The following AK5 variants were observed in gnomAD, a reference collection of about 807,000 sequenced individuals.
The protein encoded by AK5 is adenylate kinase isoenzyme 5.
A neutral mutation model predicts 69.5 loss-of-function variants in AK5; 27 were observed. The observed-to-expected ratio is 0.39, with a 90% CI of 0.29 to 0.54. The LOEUF (loss-of-function observed/expected upper bound fraction) is 0.54. Among genes scored for constraint, AK5 ranks in the 20% least tolerant of loss-of-function variants. AK5 has a pLI of 0.71. For synonymous variants in AK5, 260 were observed against 244.4 expected (o/e 1.06, Z -0.60); for missense variants, 531 against 700.4 (o/e 0.76, Z 2.73).
chr1:77,408,077 G>A (rs958490871), intron 6 of AK5, among the ~76,000 whole-genome samples: 1 of 152,152 alleles, frequency 6.6e-6, no homozygotes, highest in African/African-American at 2.4e-5. Context: ...ATTGTGAATA[G>A]TGCTGTAATG....
At chr1:77,411,641 G>C (rs1312519294) in intron 7 of AK5, among the ~76,000 whole-genome samples, 1 of 152,156 alleles carries the variant, frequency 6.6e-6, no homozygotes, top group Non-Finnish European at 1.5e-5. Context: ...CTCTGACCCT[G>C]AGCCAACTCA....
At chr1:77,512,227 GTA>G (rs1257620033) in intron 10 of AK5, among the ~76,000 whole-genome samples, 5 of 152,082 alleles carry the variant, frequency 3.3e-5, no homozygotes, top group East Asian at 1.9e-4. Context: ...ACATATATAC[GTA>G]TGTGTGTGTG....
intron 6 of AK5, among the ~76,000 whole-genome samples, chr1:77,394,563 G>C (rs1648710653): frequency 6.6e-6 from 1 of 151,772 alleles, no homozygotes; most frequent in Non-Finnish European, 1.5e-5. Context: ...TTGGATTGTG[G>C]ACTCTTTAAA....
At chr1:77,309,341 A>G (rs1659817129) in intron 5 of AK5, among the ~76,000 whole-genome samples, 1 of 152,174 alleles carries the variant, frequency 6.6e-6, no homozygotes, top group Admixed American at 6.5e-5. Context: ...GATTAACAAT[A>G]TATTCAACTA....
intron 5 of AK5, among the ~76,000 whole-genome samples, chr1:77,298,666 C>T (rs1331980099): frequency 6.7e-6 from 1 of 150,374 alleles, no homozygotes; most frequent in Non-Finnish European, 1.5e-5. Flanking sequence ...CACACACACA[C>T]ACACAAAATT....
At chr1:77,383,654 C>G (rs1381904048) in intron 6 of AK5, among the ~76,000 whole-genome samples, 1 of 152,000 alleles carries the variant, frequency 6.6e-6, no homozygotes, top group Admixed American at 6.5e-5. Context: ...TGTTTCTGAC[C>G]CTAATGTTGA....
intron 10 of AK5, among the ~76,000 whole-genome samples, chr1:77,494,996 A>G (rs1365596990): frequency 6.6e-6 from 1 of 151,934 alleles, no homozygotes. Context: ...GTTAGCCAGG[A>G]TGGTCTCAAT....
intron 6 of AK5, among the ~76,000 whole-genome samples, chr1:77,369,384 G>A (rs1256411108): frequency 6.6e-6 from 1 of 152,082 alleles, no homozygotes; most frequent in African/African-American, 2.4e-5. Context: ...TTAGAGAAGT[G>A]TTTTATTAGA....
intron 12 of AK5, among the ~76,000 whole-genome samples, chr1:77,525,151 C>T (rs552943806): frequency 2.0e-5 from 3 of 152,310 alleles, no homozygotes; most frequent in South Asian, 2.1e-4. Context: ...TCATGTGACC[C>T]GCCTGCCTTG....
chr1:77,286,869 A>T (rs896745030), intron 1 of AK5, 72 bp from the exon 2 acceptor site: 2 of 940,518 alleles, frequency 2.1e-6, no homozygotes, highest in Admixed American at 3.8e-5. Flanking sequence ...TAATTAAATT[A>T]AATTAAATTA....
chr1:77,349,887 T>G (rs1232634960), intron 6 of AK5, among the ~76,000 whole-genome samples: 2 of 152,186 alleles, frequency 1.3e-5, no homozygotes, highest in African/African-American at 4.8e-5. Context: ...TTGTCTCCCT[T>G]AAGTCTTACG....
At chr1:77,438,474 G>GA (rs1293761873) in intron 8 of AK5, among the ~76,000 whole-genome samples, 1 of 152,082 alleles carries the variant, frequency 6.6e-6, no homozygotes, top group Non-Finnish European at 1.5e-5. Flanking sequence ...TCTCTTGAGA[G>GA]AAAAGAAATC....
intron 5 of AK5, among the ~76,000 whole-genome samples, chr1:77,335,994 A>G (rs780336324): frequency 1.3e-5 from 2 of 151,774 alleles, no homozygotes; most frequent in East Asian, 1.9e-4. Flanking sequence ...GAGGGCACCA[A>G]TCTCATTCAT....
chr1:77,372,987 T>C (rs986412452), intron 6 of AK5, among the ~76,000 whole-genome samples: 2 of 152,240 alleles, frequency 1.3e-5, no homozygotes, highest in Non-Finnish European at 2.9e-5. Context: ...TCCAAGTTTT[T>C]AACCATTATA....
intron 5 of AK5, among the ~76,000 whole-genome samples, chr1:77,308,205 C>G (rs898109079): frequency 2.4e-4 from 36 of 152,114 alleles, no homozygotes; most frequent in African/African-American, 7.5e-4. Flanking sequence ...AAGCCGCTTG[C>G]AGTGCATAGC....
chr1:77,482,415 T>C (rs1173504441), intron 8 of AK5, among the ~76,000 whole-genome samples: 2 of 152,268 alleles, frequency 1.3e-5, no homozygotes, highest in Admixed American at 6.5e-5. Context: ...CAATAAAAAC[T>C]GATCACCCCT....
At chr1:77,282,947 C>T in intron 1 of AK5, 1 of 985,840 alleles carries the variant, frequency 1.0e-6, no homozygotes, top group Non-Finnish European at 1.2e-6. Flanking sequence ...TTGCTCTGCG[C>T]TTTCGCTGAA....
intron 8 of AK5, among the ~76,000 whole-genome samples, chr1:77,426,943 T>A (rs1042818303): frequency 1.3e-5 from 2 of 152,024 alleles, no homozygotes; most frequent in African/African-American, 4.8e-5. Flanking sequence ...TAAATGAAAA[T>A]GAAAATTTAA....
At chr1:77,507,045 TG>T (rs553437568) in intron 10 of AK5, among the ~76,000 whole-genome samples, 13 of 152,198 alleles carry the variant, frequency 8.5e-5, no homozygotes, top group Admixed American at 3.3e-4. Context: ...CTGATAAGGT[TG>T]CCAGATTTAA....
Sources: gnomAD v4.1 joint callset for allele counts (sites outside exome capture counted in the v4.1 genomes callset) on GRCh38, gnomAD v4.1.1 for gene constraint, MANE v1.5 for transcripts, NCBI Gene and HGNC (gene_info 2026-07-23, HGNC 2026-07-21) for gene names.